The following ERLIN1 variants were observed in gnomAD, a reference collection of about 807,000 sequenced individuals.
ERLIN1 encodes the protein erlin-1.
ERLIN1 carries 24 observed loss-of-function variants against 46.9 expected under a neutral mutation model. That is an observed-to-expected ratio of 0.51 (90% confidence interval 0.37 to 0.72). ERLIN1 has a LOEUF of 0.72. ERLIN1 is among the 30% of genes least tolerant of loss of function. ERLIN1 has a pLI of 0.00. For missense variants in ERLIN1, 293 were observed against 417.9 expected, an observed-to-expected ratio of 0.70 and a Z score of 2.61; for synonymous variants, 158 against 143.2, an observed-to-expected ratio of 1.10 and a Z score of -0.74.
At chr10:100,175,546 G>A (rs1021285135) in intron 5 of ERLIN1, among the ~76,000 whole-genome samples, 6 of 152,088 alleles carry the variant, frequency 3.9e-5, no homozygotes, top group African/African-American at 1.2e-4. Flanking sequence ...TTTGCCTCTC[G>A]CTGATTTTGC....
Position 100,185,915 on chromosome 10 carries a change from C to A in ERLIN1, c.-289G>T, listed in dbSNP as rs1361133018. ...TGGAAGGCACTAACTGAGAAGAAGC[C>A]CAGCCGCAGGCTCGCGAGGAAAGCC... On this transcript the variant is annotated 5_prime_UTR_variant, in exon 1 of 11. Transcript: ENST00000421367. 1 of 458,224 alleles carries A rather than the reference C, an allele frequency of 2.2e-6. No individual in the cohort carries two copies. Among genetic ancestry groups the A allele is most frequent in the South Asian group, 4.5e-5 (1 of 22,154 alleles). The allele number at this position is 458,224 out of a possible 1,614,324, so 28.4% of individuals were successfully genotyped here.
intron 1 of ERLIN1, among the ~76,000 whole-genome samples, chr10:100,184,981 C>G (rs1300020032): frequency 6.6e-6 from 1 of 152,074 alleles, no homozygotes; most frequent in Non-Finnish European, 1.5e-5. Context: ...ACTCCTGTCC[C>G]CAACTTGAAC....
chr10:100,161,056 C>T (rs1843342419), intron 8 of ERLIN1, among the ~76,000 whole-genome samples: 2 of 152,272 alleles, frequency 1.3e-5, no homozygotes, highest in Middle Eastern at 3.4e-3. Context: ...GTCACTGGGA[C>T]TATTTAAAGT....
In ERLIN1 at chr10:100,174,236, T is replaced by A. The variant is rs1418850787; in HGVS notation, c.476A>T (p.Asn159Ile). 6 of 1,564,550 alleles carry A rather than the reference T, an allele frequency of 3.8e-6. 1 individual carries two copies. The South Asian group carries it at 5.9e-5, about 15-fold the overall frequency. ...TATAGTGAGACCTGGGGCCATGAGG[T>A]TTAAGTCTTTCTGCAGAGCTTGCTT... ...NLKQALQKDL[N>I]LMAPGLTIQA... Residue 159 changes from asparagine to isoleucine, a missense_variant, in exon 6 of 11, where the codon AAC becomes ATC. Coordinates refer to ENST00000421367, the MANE Select transcript of ERLIN1 (RefSeq NM_006459.4).
At chr10:100,171,759 G>C (rs968612484) in intron 6 of ERLIN1, among the ~76,000 whole-genome samples, 2 of 152,060 alleles carry the variant, frequency 1.3e-5, no homozygotes, top group African/African-American at 4.8e-5. Flanking sequence ...CTACAAAAAT[G>C]AGCAAAACCA....
chr10:100,184,138 AT>A (rs1844823553), intron 1 of ERLIN1, among the ~76,000 whole-genome samples: 1 of 152,352 alleles, frequency 6.6e-6, no homozygotes, highest in East Asian at 1.9e-4. Flanking sequence ...TCTGAGAAAT[AT>A]TTGTTTAAAA....
At chr10:100,183,393 T>C (rs1173440028) in intron 2 of ERLIN1, among the ~76,000 whole-genome samples, 1 of 152,178 alleles carries the variant, frequency 6.6e-6, no homozygotes, top group East Asian at 1.9e-4. Context: ...GGAGCCTGCC[T>C]CTATGGAAAC....
chr10:100,185,766 C>A lies in ERLIN1; in HGVS notation c.-140G>T. On this transcript the variant is annotated 5_prime_UTR_variant, in exon 1 of 11. Coordinates refer to ENST00000421367, the MANE Select transcript of ERLIN1 (RefSeq NM_006459.4). ...GCCGGGGAGTCCAGTACCCCTGTCC[C>A]CTCATTCTTCCCTTCTGGCTGAGCC... The A allele has an allele frequency of 1.5e-6, 1 of 658,462 alleles. No homozygotes were observed. The highest frequency in any genetic ancestry group is 2.7e-5 in the East Asian group (1 of 36,630). 40.8% of individuals were successfully genotyped at this position (658,462 alleles called of 1,614,324 possible).
chr10:100,179,146 G>C, intron 3 of ERLIN1, 55 bp downstream of exon 3: 1 of 1,329,598 alleles, frequency 7.5e-7, no homozygotes, highest in Non-Finnish European at 1.1e-6. Flanking sequence ...ATAGCTGTAG[G>C]AACAGAAACT....
chr10:100,161,859 T>C (rs1056594469), intron 8 of ERLIN1, among the ~76,000 whole-genome samples: 14 of 152,166 alleles, frequency 9.2e-5, no homozygotes, highest in African/African-American at 3.4e-4. Context: ...TCTGAGACAA[T>C]TGGCTTGCCA....
At position 100,167,417 on chromosome 10, in the gene ERLIN1, A is replaced by T; in HGVS notation, c.505-11T>A. On this transcript the variant is annotated splice_polypyrimidine_tract_variant and intron_variant, in intron 6 of 10. Coordinates refer to ENST00000421367, the MANE Select transcript of ERLIN1 (RefSeq NM_006459.4). The stretch of plus-strand genomic sequence containing the variant: ...TGTAACACGCACAGCCTAAAAAATA[A>T]AAGTGAAAAAGCCAAAGTATATTTG... The T allele has an allele frequency of 6.2e-7, 1 of 1,608,654 alleles. No homozygotes were observed. The highest frequency in any genetic ancestry group is 1.1e-5 in the South Asian group (1 of 90,430).
intron 2 of ERLIN1, among the ~76,000 whole-genome samples, chr10:100,183,425 T>C (rs1844775777): frequency 6.6e-6 from 1 of 152,212 alleles, no homozygotes; most frequent in African/African-American, 2.4e-5. Context: ...CTAAACCACA[T>C]AATCACTGGT....
intron 10 of ERLIN1, among the ~76,000 whole-genome samples, chr10:100,154,546 A>G (rs1237160961): frequency 1.3e-5 from 2 of 152,168 alleles, no homozygotes; most frequent in Admixed American, 1.3e-4. Flanking sequence ...TATCTACCAA[A>G]AAAACTACCT....
rs1274793304 is a variant in ERLIN1, at chr10:100,150,429, C to A, written c.*1702G>T. 1 of 152,636 alleles carries A rather than the reference C, an allele frequency of 6.6e-6. No homozygotes were observed. The highest frequency in any genetic ancestry group is 2.4e-5 in the African/African-American group (1 of 41,452). 9.5% of individuals were successfully genotyped at this position (152,636 alleles called of 1,614,324 possible). On this transcript the variant is annotated 3_prime_UTR_variant, in exon 11 of 11. Transcript: ENST00000421367. ...CCAGATTTTCCACAACAATCATCTGCAGCAACAATTCGACAGGTAAAGATT... is the reference window on the plus strand; with the variant it reads ...CCAGATTTTCCACAACAATCATCTGAAGCAACAATTCGACAGGTAAAGATT...
At chr10:100,164,881 C>T (rs1843548720) in intron 7 of ERLIN1, among the ~76,000 whole-genome samples, 1 of 150,926 alleles carries the variant, frequency 6.6e-6, no homozygotes, top group Non-Finnish European at 1.5e-5. Flanking sequence ...AAAAAAAAAA[C>T]TAACCACTAT....
chr10:100,158,468 G>C (rs1843187836), intron 8 of ERLIN1, among the ~76,000 whole-genome samples: 2 of 151,780 alleles, frequency 1.3e-5, no homozygotes, highest in Non-Finnish European at 2.9e-5. Flanking sequence ...TACCATTCAA[G>C]GATAAAATAA....
chr10:100,176,939 T>C (rs553673815), intron 4 of ERLIN1, among the ~76,000 whole-genome samples: 3 of 152,216 alleles, frequency 2.0e-5, no homozygotes, highest in Non-Finnish European at 4.4e-5. Flanking sequence ...CTGGCCAACA[T>C]GGTGAAACAC....
At chr10:100,180,612 A>G (rs1844582255) in intron 2 of ERLIN1, among the ~76,000 whole-genome samples, 1 of 152,216 alleles carries the variant, frequency 6.6e-6, no homozygotes, top group African/African-American at 2.4e-5. Context: ...TGTATAGGCG[A>G]ACGAAAGTAG....
rs1002598862 is a variant in ERLIN1, at chr10:100,150,396, T to C, written c.*1735A>G. 2.0e-5 allele frequency: 3 copies of C among 152,614 alleles called. No individual in the cohort carries two copies. Among genetic ancestry groups the C allele is most frequent in the African/African-American group, 7.2e-5 (3 of 41,454 alleles). 9.5% of individuals were successfully genotyped at this position (152,614 alleles called of 1,614,324 possible). A position where few individuals can be genotyped will look rare whatever the true frequency, so the allele number is the denominator to read the frequency against. ...ATCTCTAGGAATGAAAGCACAGAGG[T>C]CAATGATCCAGATTTTCCACAACAA... On this transcript the variant is annotated 3_prime_UTR_variant, in exon 11 of 11. Transcript: ENST00000421367.
Sources: allele counts gnomAD v4.1 joint callset (sites outside exome capture counted in the v4.1 genomes callset), GRCh38; gene constraint gnomAD v4.1.1; transcripts MANE v1.5; gene names NCBI Gene and HGNC (gene_info 2026-07-23, HGNC 2026-07-21).